Variants in RXRA observed in about 807,000 individuals in gnomAD.
The protein encoded by RXRA is retinoid X receptor alpha, also known as retinoic acid receptor RXR-alpha.
A neutral mutation model predicts 44.5 loss-of-function variants in RXRA; 5 were observed. That is an observed-to-expected ratio of 0.11 (90% CI 0.06 to 0.24). The LOEUF (loss-of-function observed/expected upper bound fraction) is 0.24, where lower values mean the gene tolerates loss of function less well. Ranked by LOEUF, RXRA falls within the 10% of genes least tolerant of loss-of-function variation. The pLI, the probability that RXRA is intolerant of heterozygous loss-of-function variation, is 1.00. For missense variants in RXRA, 412 were observed against 646.5 expected, an observed-to-expected ratio of 0.64 and a Z score of 3.93; for synonymous variants, 291 against 271.4, an observed-to-expected ratio of 1.07 and a Z score of -0.71.
chr9:134,362,833 C>T (rs1588265044), intron 1 of RXRA, among the ~76,000 whole-genome samples: 2 of 152,204 alleles, frequency 1.3e-5, no homozygotes, highest in Non-Finnish European at 2.9e-5. Flanking sequence ...GAGGAGGGGG[C>T]CCACTTGGAC....
In RXRA at chr9:134,365,954, G is replaced by A. The variant is rs1386776565; in HGVS notation, c.29-35678G>A. 2.0e-5 allele frequency among the ~76,000 whole-genome samples: 3 copies of A among 152,060 alleles called. No homozygotes were observed. Among genetic ancestry groups the A allele is most frequent in the Admixed American group, 6.5e-5 (1 of 15,276 alleles). ...CAGTTGTGGCTGCCTCCAGTCAGGC[G>A]TCCGCTGAGCGACCCCTAGGAGCCG... is the stretch of plus-strand genomic sequence containing the variant. On this transcript the variant is annotated intron_variant, in intron 1 of 9. Coordinates refer to ENST00000481739, the MANE Select transcript of RXRA (RefSeq NM_002957.6). This position sits in a 1 kb window ranked among gnomAD's most constrained non-coding sequence, Gnocchi z 4.0.
intron 8 of RXRA, among the ~76,000 whole-genome samples, chr9:134,432,629 CCT>C (rs1291117229): frequency 6.6e-6 from 1 of 152,258 alleles, no homozygotes. Context: ...TGCTCGGTGC[CCT>C]GCTGGCATGG....
At chr9:134,434,255 T>C in intron 9 of RXRA, 48 bp downstream of exon 9, 3 of 1,392,278 alleles carry the variant, frequency 2.2e-6, no homozygotes, top group Non-Finnish European at 3.0e-6. Context: ...GGCTCTTGTC[T>C]CCAGAGCCCC....
chr9:134,327,565 G>A (rs1834935824), intron 1 of RXRA, among the ~76,000 whole-genome samples: 1 of 152,186 alleles, frequency 6.6e-6, no homozygotes, highest in African/African-American at 2.4e-5. Flanking sequence ...AGGCTGTCAG[G>A]CCGGGTGAAG....
At chr9:134,338,750 C>T (rs1410578721) in intron 1 of RXRA, among the ~76,000 whole-genome samples, 3 of 152,254 alleles carry the variant, frequency 2.0e-5, no homozygotes, top group Admixed American at 6.5e-5. Context: ...CAGCCTTGCC[C>T]TGGGGCCAGA....
chr9:134,376,283 T>C (rs900452921), intron 1 of RXRA, among the ~76,000 whole-genome samples: 2 of 152,262 alleles, frequency 1.3e-5, no homozygotes, highest in African/African-American at 4.8e-5. Context: ...TGTGGGGGTC[T>C]AGGAGCTTCG....
intron 1 of RXRA, among the ~76,000 whole-genome samples, chr9:134,329,143 C>T (rs1554746351): frequency 1.3e-5 from 2 of 152,224 alleles, no homozygotes; most frequent in African/African-American, 2.4e-5. Context: ...GACCCGGTGG[C>T]AAAGCTGTAG....
Position 134,408,197 on chromosome 9 carries a change from C to G in RXRA, c.328C>G (p.Pro110Ala). Reference protein sequence around the residue: ...PVSSSEDIKPPLGLNGVLKVP... With the variant: ...PVSSSEDIKPALGLNGVLKVP... ...CAGCAGCAGCGAGGACATCAAGCCC[C>G]CCCTGGGCCTCAATGGCGTCCTCAA... The change falls in exon 3 of 10, where the codon CCC becomes GCC. Residue 110 changes from proline to alanine, a missense_variant. By Grantham distance (27) the Pro-to-Ala change is conservative (BLOSUM62 -1). Around this residue, in one of 4 missense-constraint regions of RXRA, gnomAD observed 156 missense variants for 177.2 expected, o/e 0.88. Transcript: ENST00000481739. The G allele has an allele frequency of 6.2e-7, 1 of 1,605,748 alleles. No homozygotes were observed. The highest frequency in any genetic ancestry group is 8.5e-7 in the Non-Finnish European group (1 of 1,175,844).
chr9:134,425,371 G>A (rs1331084920), intron 6 of RXRA: 1 of 985,138 alleles, frequency 1.0e-6, no homozygotes, highest in Non-Finnish European at 1.2e-6. Flanking sequence ...GTGTTTGTCA[G>A]ATGAGTAAAC....
intron 1 of RXRA, among the ~76,000 whole-genome samples, chr9:134,355,043 G>A (rs184562415): frequency 5.3e-4 from 80 of 152,378 alleles, no homozygotes; most frequent in Admixed American, 1.8e-3. Flanking sequence ...CATGATCCCA[G>A]GAGGCATATA....
chr9:134,352,944 A>G (rs1830239578), intron 1 of RXRA, among the ~76,000 whole-genome samples: 1 of 152,088 alleles, frequency 6.6e-6, no homozygotes, highest in Non-Finnish European at 1.5e-5. Flanking sequence ...CCTTGGGGAC[A>G]CTTGGCCCTG....
At chr9:134,434,054 G>A (rs748854470) in intron 8 of RXRA, 48 bp from the exon 9 acceptor site, 45 of 1,478,614 alleles carry the variant, frequency 3.0e-5, no homozygotes, top group Middle Eastern at 1.7e-4. Flanking sequence ...GCAGGTGCCC[G>A]AGACACGCCC....
chr9:134,427,957 A>G (rs1270289625), intron 6 of RXRA, among the ~76,000 whole-genome samples: 3 of 152,098 alleles, frequency 2.0e-5, no homozygotes, highest in East Asian at 1.9e-4. Flanking sequence ...CACCCTGTCT[A>G]TAAGAGCTGT....
At chr9:134,338,912 C>A (rs1830046848) in intron 1 of RXRA, among the ~76,000 whole-genome samples, 1 of 152,258 alleles carries the variant, frequency 6.6e-6, no homozygotes, top group Non-Finnish European at 1.5e-5. Flanking sequence ...GCTGACCCCT[C>A]TGCCCTCCCT....
intron 3 of RXRA, 79 bp downstream of exon 3, chr9:134,408,378 A>G: frequency 1.1e-5 from 16 of 1,426,864 alleles, no homozygotes; most frequent in Non-Finnish European, 1.5e-5. Context: ...TCCCCAAATC[A>G]CCCTCCTGTG....
intron 6 of RXRA, chr9:134,425,472 A>C (rs1336921717): frequency 1.0e-6 from 1 of 979,754 alleles, no homozygotes; most frequent in Non-Finnish European, 1.2e-6. Flanking sequence ...TTGCTTTCCA[A>C]GGCCGTGTTA....
At chr9:134,416,620 C>T (rs1246273861) in intron 4 of RXRA, among the ~76,000 whole-genome samples, 2 of 152,092 alleles carry the variant, frequency 1.3e-5, no homozygotes, top group Non-Finnish European at 2.9e-5. Context: ...TTCCTGATTG[C>T]CCAGGTGTCT....
intron 1 of RXRA, among the ~76,000 whole-genome samples, chr9:134,392,631 C>T (rs938136498): frequency 1.3e-5 from 2 of 152,142 alleles, no homozygotes; most frequent in Admixed American, 1.3e-4. Flanking sequence ...TGGGTGACTC[C>T]GTCCATGAGG....
At position 134,426,972 on chromosome 9, in the gene RXRA, G is replaced by A; in HGVS notation, c.911-2136G>A. ...TGTCAGACCCAGTGCCTCTCAGCCT[G>A]GGAAAACCTGACGGGCTGAGCCGTA... On this transcript the variant is annotated intron_variant, in intron 6 of 9. Transcript: ENST00000481739. The surrounding 1 kb of genome is among the most constrained non-coding windows in gnomAD (Gnocchi z 4.6). 1.0e-6 allele frequency: 1 copy of A among 985,310 alleles called. No homozygotes were observed. The highest frequency in any genetic ancestry group is 1.7e-5 in the African/African-American group (1 of 57,316). The allele number at this position is 985,310 out of a possible 1,614,324, so 61.0% of individuals were successfully genotyped here. A position where few individuals can be genotyped will look rare whatever the true frequency, so the allele number is the denominator to read the frequency against.
Sources: gnomAD v4.1 joint callset for allele counts (sites outside exome capture counted in the v4.1 genomes callset) on GRCh38, gnomAD v4.1.1 for gene constraint, gnomAD v4.1.1 regional missense constraint, Gnocchi (gnomAD v3.1) non-coding constraint, MANE v1.5 for transcripts, NCBI Gene and HGNC (gene_info 2026-07-23, HGNC 2026-07-21) for gene names.